Variants in NHSL2 observed in about 807,000 individuals in gnomAD.
The protein encoded by NHSL2 is NHS like 2, also known as NHS-like protein 2.
NHSL2 carries 27 observed loss-of-function variants against 53.4 expected under a neutral mutation model. The ratio of observed to expected loss-of-function variants is 0.51; its 90% CI spans 0.37 to 0.70. The LOEUF is 0.70. NHSL2 is among the 30% of genes least tolerant of loss of function. The probability of loss-of-function intolerance (pLI) is 0.00; values close to 1 mark genes in which losing one functional copy is unlikely to be tolerated. For synonymous variants in NHSL2, 408 were observed against 404.1 expected (o/e 1.01, Z -0.12); for missense variants, 892 against 980.1 (o/e 0.91, Z 1.20).
chrX:71,920,774 G>C (rs376160561), intron 1 of NHSL2, among the ~76,000 whole-genome samples: 14 of 110,865 alleles, frequency 1.3e-4, no homozygotes, highest in African/African-American at 4.3e-4. Flanking sequence ...ATTGTAAGCA[G>C]TAATAATGCG....
At chrX:71,984,784 A>T (rs758562562) in intron 1 of NHSL2, among the ~76,000 whole-genome samples, 11 of 109,638 alleles carry the variant, frequency 1.0e-4, no homozygotes, top group Non-Finnish European at 1.7e-4. Context: ...TTTTTCACAT[A>T]AGCCCTTTTT....
chrX:71,948,184 A>C (rs1264579757), intron 1 of NHSL2, among the ~76,000 whole-genome samples: 1 of 112,623 alleles, frequency 8.9e-6, no homozygotes, highest in Non-Finnish European at 1.9e-5. Context: ...GTGCTCAATA[A>C]ATACCGGTTG....
At chrX:72,047,489 C>T (rs1475768045) in intron 1 of NHSL2, among the ~76,000 whole-genome samples, 1 of 112,137 alleles carries the variant, frequency 8.9e-6, no homozygotes, top group African/African-American at 3.2e-5. Context: ...GAAGTTTAGG[C>T]AACAGCCACT....
At chrX:72,117,198 A>G (rs894864825) in intron 1 of NHSL2, among the ~76,000 whole-genome samples, 17 of 107,452 alleles carry the variant, frequency 1.6e-4, no homozygotes, top group African/African-American at 5.5e-4. Flanking sequence ...AGGTCTGAGT[A>G]TGGGGCTTGT....
Position 71,912,970 on chromosome X carries a change from G to C in NHSL2, c.280+1603G>C, listed in dbSNP as rs903238416. On this transcript the variant is annotated intron_variant, in intron 1 of 7. Coordinates refer to ENST00000633930, the MANE Select transcript of NHSL2 (RefSeq NM_001013627.3). ...CCTTTGGGACCTAACCCTCTCCGGT[G>C]ATCTGCCAGGTTAGAAGGAGATGGC... is the stretch of plus-strand genomic sequence containing the variant. 3.6e-5 allele frequency among the ~76,000 whole-genome samples: 4 copies of C among 111,959 alleles called. No individual in the cohort carries two copies. The Admixed American group carries it at 3.8e-4, about 11-fold the overall frequency.
chrX:72,009,359 G>T (rs2042106832), intron 1 of NHSL2, among the ~76,000 whole-genome samples: 1 of 112,302 alleles, frequency 8.9e-6, no homozygotes, highest in Non-Finnish European at 1.9e-5. Flanking sequence ...CTTCCCATTG[G>T]TCAAACCTAA....
intron 1 of NHSL2, among the ~76,000 whole-genome samples, chrX:72,046,153 A>G (rs1375203480): frequency 8.9e-6 from 1 of 112,212 alleles, no homozygotes; most frequent in Non-Finnish European, 1.9e-5. Context: ...TAGGTCCTGC[A>G]TTTCTAACCT....
chrX:72,042,584 G>A (rs1293516083), intron 1 of NHSL2, among the ~76,000 whole-genome samples: 1 of 111,259 alleles, frequency 9.0e-6, no homozygotes, highest in Non-Finnish European at 1.9e-5. Flanking sequence ...TGCCTGGGGT[G>A]TAAGGGCTAG....
intron 1 of NHSL2, among the ~76,000 whole-genome samples, chrX:72,018,426 C>T (rs979787888): frequency 4.4e-5 from 5 of 112,882 alleles, no homozygotes; most frequent in Non-Finnish European, 9.4e-5. Context: ...CTCAACGCGA[C>T]AAGTGGAGGA....
At chrX:71,942,210 T>A (rs918644524) in intron 1 of NHSL2, among the ~76,000 whole-genome samples, 1 of 112,307 alleles carries the variant, frequency 8.9e-6, no homozygotes, top group Non-Finnish European at 1.9e-5. Flanking sequence ...TGTGAGGGGA[T>A]CCTTCACCTG....
At chrX:71,949,070 A>G (rs1181051400) in intron 1 of NHSL2, among the ~76,000 whole-genome samples, 1 of 110,364 alleles carries the variant, frequency 9.1e-6, no homozygotes, top group African/African-American at 3.3e-5. Context: ...TGTAGTTTTT[A>G]TGAAGCCAAA....
At chrX:72,077,249 C>A (rs1360729625) in intron 1 of NHSL2, among the ~76,000 whole-genome samples, 2 of 110,748 alleles carry the variant, frequency 1.8e-5, no homozygotes, top group Non-Finnish European at 3.8e-5. Flanking sequence ...ACACTCCCCC[C>A]ACCTCCCCAC....
chrX:72,098,073 C>T (rs1175991654), intron 1 of NHSL2, among the ~76,000 whole-genome samples: 2 of 112,172 alleles, frequency 1.8e-5, no homozygotes, highest in Non-Finnish European at 3.8e-5. Flanking sequence ...TTCTCCACAG[C>T]GGCCATCTTT....
intron 1 of NHSL2, among the ~76,000 whole-genome samples, chrX:72,023,352 C>T (rs1195747520): frequency 8.9e-6 from 1 of 112,586 alleles, no homozygotes; most frequent in Non-Finnish European, 1.9e-5. Flanking sequence ...AGGCCTGCTT[C>T]AAGAACCTTG....
chrX:71,990,653 T>C (rs2042023276), intron 1 of NHSL2, among the ~76,000 whole-genome samples: 1 of 111,673 alleles, frequency 9.0e-6, no homozygotes, highest in South Asian at 3.8e-4. Context: ...TACTACTTTC[T>C]GTGCCTCCAG....
At chrX:72,051,951 C>T (rs1314483534) in intron 1 of NHSL2, among the ~76,000 whole-genome samples, 1 of 112,096 alleles carries the variant, frequency 8.9e-6, no homozygotes, top group Non-Finnish European at 1.9e-5. Flanking sequence ...AGGCAGAGTC[C>T]CCCTCTCAGC....
chrX:72,032,888 G>A (rs2042222998), intron 1 of NHSL2, among the ~76,000 whole-genome samples: 1 of 111,772 alleles, frequency 8.9e-6, no homozygotes, highest in African/African-American at 3.3e-5. Context: ...TAATCAATCA[G>A]TTGGGCATAT....
chrX:72,126,306 G>A (rs772643638), intron 1 of NHSL2, among the ~76,000 whole-genome samples: 49 of 111,218 alleles, frequency 4.4e-4, no homozygotes, highest in African/African-American at 1.6e-3. Context: ...CAGGGCCAGC[G>A]GAGTGGGGGC....
At chrX:72,024,174 G>C (rs894876085) in intron 1 of NHSL2, among the ~76,000 whole-genome samples, 1 of 112,094 alleles carries the variant, frequency 8.9e-6, no homozygotes, top group East Asian at 2.8e-4. Flanking sequence ...ATTAGGGAGC[G>C]CTGTGGGTTT....
Sources: gnomAD v4.1 joint callset for allele counts (sites outside exome capture counted in the v4.1 genomes callset) on GRCh38, gnomAD v4.1.1 for gene constraint, MANE v1.5 for transcripts, NCBI Gene and HGNC (gene_info 2026-07-23, HGNC 2026-07-21) for gene names.